Variants in ANO10 observed in about 807,000 individuals in gnomAD.
ANO10 encodes the protein anoctamin 10, also known as anoctamin-10.
ANO10 carries 77 observed loss-of-function variants against 74.7 expected under a neutral mutation model. The observed-to-expected ratio is 1.03, with a 90% CI of 0.86 to 1.25. The LOEUF is 1.25. Among genes scored for constraint, ANO10 ranks in the 50% most tolerant of loss-of-function variants. The probability of loss-of-function intolerance (pLI) is 0.00; values close to 1 mark genes in which losing one functional copy is unlikely to be tolerated. For synonymous variants in ANO10, 279 were observed against 284.9 expected (o/e 0.98, Z 0.21); for missense variants, 721 against 778.1 (o/e 0.93, Z 0.87).
At chr3:43,677,599 A>G (rs2084139303) in intron 1 of ANO10, among the ~76,000 whole-genome samples, 1 of 152,190 alleles carries the variant, frequency 6.6e-6, no homozygotes, top group Non-Finnish European at 1.5e-5. Flanking sequence ...ATTCAAGCTA[A>G]TCTGGGCAGA....
chr3:43,679,541 A>C (rs951145256), intron 1 of ANO10, among the ~76,000 whole-genome samples: 1 of 152,354 alleles, frequency 6.6e-6, no homozygotes, highest in Middle Eastern at 3.4e-3. Context: ...AAAAGGCAGC[A>C]GAAAACTCTG....
intron 11 of ANO10, among the ~76,000 whole-genome samples, chr3:43,480,976 A>ATAATAATTGTATAATAATACAAT (rs1348643402): frequency 1.5e-4 from 1 of 6,870 alleles, no homozygotes; most frequent in Non-Finnish European, 8.3e-4. Context: ...GTATTATTGT[A>ATAATAATTGTATAATAATACAAT]TAATAATTGT....
intron 12 of ANO10, among the ~76,000 whole-genome samples, chr3:43,407,046 G>C (rs1417119655): frequency 6.6e-6 from 1 of 152,048 alleles, no homozygotes; most frequent in African/African-American, 2.4e-5. Flanking sequence ...TGGGACTACA[G>C]GCATGTGCCA....
chr3:43,466,295 C>T (rs1268489175), intron 11 of ANO10, among the ~76,000 whole-genome samples: 5 of 140,732 alleles, frequency 3.6e-5, no homozygotes, highest in East Asian at 2.3e-4. Context: ...CGCTTGAACC[C>T]GGGAGGCAGA....
intron 11 of ANO10, among the ~76,000 whole-genome samples, chr3:43,439,864 A>C (rs2093133605): frequency 6.6e-6 from 1 of 152,170 alleles, no homozygotes; most frequent in Non-Finnish European, 1.5e-5. Context: ...CCTGAGTGAC[A>C]GAGTGAGACC....
chr3:43,448,059 C>A (rs1327350433), intron 11 of ANO10, among the ~76,000 whole-genome samples: 1 of 152,088 alleles, frequency 6.6e-6, no homozygotes, highest in African/African-American at 2.4e-5. Context: ...TGGGATAGTG[C>A]CCAGATAAGA....
At chr3:43,634,760 A>G (rs1020658335) in intron 1 of ANO10, among the ~76,000 whole-genome samples, 4 of 151,702 alleles carry the variant, frequency 2.6e-5, no homozygotes, top group South Asian at 4.2e-4. Flanking sequence ...GTTGGGGAGT[A>G]AGGCATCTAC....
intron 1 of ANO10, among the ~76,000 whole-genome samples, chr3:43,661,616 G>T (rs1296625521): frequency 6.6e-6 from 1 of 152,120 alleles, no homozygotes; most frequent in African/African-American, 2.4e-5. Context: ...CTGGCAAATT[G>T]GATAAAGAGT....
intron 2 of ANO10, among the ~76,000 whole-genome samples, 162 bp from the exon 3 acceptor site, chr3:43,600,743 T>TGGCA (rs2082305604): frequency 6.6e-6 from 1 of 152,198 alleles, no homozygotes; most frequent in Non-Finnish European, 1.5e-5. Context: ...ACATTAGGGA[T>TGGCA]GGCAGTTCTT....
At chr3:43,461,831 C>A (rs558792183) in intron 11 of ANO10, among the ~76,000 whole-genome samples, 2 of 152,238 alleles carry the variant, frequency 1.3e-5, no homozygotes, top group East Asian at 3.9e-4. Context: ...TGGGGCGCTG[C>A]TGAAAAGATA....
At chr3:43,409,778 C>A (rs1473494171) in intron 12 of ANO10, among the ~76,000 whole-genome samples, 7 of 152,178 alleles carry the variant, frequency 4.6e-5, no homozygotes, top group Admixed American at 1.3e-4. Flanking sequence ...CATGACTAAA[C>A]TGCAATCAAC....
At chr3:43,671,633 A>G (rs902991647) in intron 1 of ANO10, among the ~76,000 whole-genome samples, 8 of 152,234 alleles carry the variant, frequency 5.3e-5, no homozygotes, top group Admixed American at 1.3e-4. Context: ...TGTTATCATG[A>G]TAACTATAAT....
intron 4 of ANO10, among the ~76,000 whole-genome samples, chr3:43,591,890 C>A (rs1390075325): frequency 6.6e-6 from 1 of 152,232 alleles, no homozygotes; most frequent in Admixed American, 6.5e-5. Flanking sequence ...AATTGGGTCA[C>A]CCTGACCCTA....
chr3:43,447,127 T>C (rs2093258540), intron 11 of ANO10, among the ~76,000 whole-genome samples: 1 of 152,210 alleles, frequency 6.6e-6, no homozygotes, highest in African/African-American at 2.4e-5. Flanking sequence ...TTACACTATT[T>C]CCAATATTTT....
At chr3:43,569,145 G>A (rs1165600257) in intron 7 of ANO10, among the ~76,000 whole-genome samples, 1 of 149,202 alleles carries the variant, frequency 6.7e-6, no homozygotes, top group Non-Finnish European at 1.5e-5. Context: ...AGAAGAAGTT[G>A]AATCTCTGAA....
At chr3:43,462,246 C>T (rs1420284995) in intron 11 of ANO10, among the ~76,000 whole-genome samples, 1 of 152,056 alleles carries the variant, frequency 6.6e-6, no homozygotes, top group Non-Finnish European at 1.5e-5. Context: ...GTTTGCTTTT[C>T]GAGAGAGAGG....
At position 43,660,011 on chromosome 3, in the gene ANO10, G is replaced by T. The variant is rs565596592; in HGVS notation, c.-12+31506C>A. Among the ~76,000 whole-genome samples the T allele has an allele frequency of 2.4e-4, 36 of 152,286 alleles. No individual in the cohort carries two copies. The East Asian group carries it at 2.7e-3, about 11-fold the overall frequency. On this transcript the variant is annotated intron_variant, in intron 1 of 3. Transcript: ENST00000413397. ...AGACCTGCGGCTGAGGGGCCTGTCT[G>T]TTAGAAGGAAAACTAACAAACAGAA... is the stretch of plus-strand genomic sequence containing the variant.
chr3:43,399,401 A>G (rs141687326), intron 12 of ANO10, among the ~76,000 whole-genome samples: 3 of 152,210 alleles, frequency 2.0e-5, no homozygotes, highest in Non-Finnish European at 2.9e-5. Flanking sequence ...TTTTATTAGA[A>G]TGTTCTCATT....
At chr3:43,423,572 G>T (rs2092852660) in intron 12 of ANO10, among the ~76,000 whole-genome samples, 1 of 152,236 alleles carries the variant, frequency 6.6e-6, no homozygotes, top group Admixed American at 6.5e-5. Flanking sequence ...AGGAGGTGGG[G>T]TCTGTGAAGC....
Sources: gnomAD v4.1 joint callset for allele counts (sites outside exome capture counted in the v4.1 genomes callset) on GRCh38, gnomAD v4.1.1 for gene constraint, MANE v1.5 for transcripts, NCBI Gene and HGNC (gene_info 2026-07-23, HGNC 2026-07-21) for gene names.